The following SPAG16 variants were observed in gnomAD, a reference collection of about 807,000 sequenced individuals.
SPAG16 encodes the protein sperm-associated antigen 16 protein.
SPAG16 carries 86 observed loss-of-function variants against 80.4 expected under a neutral mutation model. That is an observed-to-expected ratio of 1.07 (90% CI 0.90 to 1.28). SPAG16 has a LOEUF of 1.28. Among genes scored for constraint, SPAG16 ranks in the 50% most tolerant of loss-of-function variants. The pLI, the probability that SPAG16 is intolerant of heterozygous loss-of-function variation, is 0.00. For synonymous variants in SPAG16, 294 were observed against 265.9 expected (o/e 1.11, Z -1.03); for missense variants, 870 against 765.3 (o/e 1.14, Z -1.61).
At chr2:213,493,867 C>A (rs976790068) in intron 10 of SPAG16, among the ~76,000 whole-genome samples, 9 of 152,316 alleles carry the variant, frequency 5.9e-5, no homozygotes, top group African/African-American at 1.9e-4. Flanking sequence ...CTCATTGTCT[C>A]TAAGGAGGCT....
intron 10 of SPAG16, among the ~76,000 whole-genome samples, chr2:213,819,673 T>C (rs2072807342): frequency 6.6e-6 from 1 of 152,014 alleles, no homozygotes; most frequent in South Asian, 2.1e-4. Flanking sequence ...GCCTCCCAAG[T>C]AGCTGGGACA....
At chr2:214,158,593 G>A (rs547428973) in intron 15 of SPAG16, among the ~76,000 whole-genome samples, 6 of 151,942 alleles carry the variant, frequency 3.9e-5, no homozygotes, top group South Asian at 2.1e-4. Flanking sequence ...AATCAGAGCC[G>A]AAAAATAACT....
chr2:214,171,054 C>T (rs543380702), intron 15 of SPAG16, among the ~76,000 whole-genome samples: 29 of 151,988 alleles, frequency 1.9e-4, no homozygotes, highest in African/African-American at 6.7e-4. Context: ...CAGAAAATTG[C>T]CATTGTGCCT....
chr2:214,086,204 A>G (rs1238693104), intron 13 of SPAG16, among the ~76,000 whole-genome samples: 2 of 152,140 alleles, frequency 1.3e-5, no homozygotes. Flanking sequence ...TTTCATTTCA[A>G]AATATTGCCT....
At chr2:213,749,474 C>T (rs10804219) in intron 10 of SPAG16, among the ~76,000 whole-genome samples, 68,126 of 151,892 alleles carry the variant, frequency 0.45, 16,719 homozygotes, top group Non-Finnish European at 0.55. Context: ...GTAAGGGTGA[C>T]GTGACAAGGG....
chr2:213,680,029 A>G (rs1222272672), intron 10 of SPAG16, among the ~76,000 whole-genome samples: 2 of 152,190 alleles, frequency 1.3e-5, no homozygotes, highest in Non-Finnish European at 2.9e-5. Context: ...CTCCTAGCAC[A>G]GGGAAAGAGG....
At chr2:214,047,349 A>C (rs1470594603) in intron 13 of SPAG16, among the ~76,000 whole-genome samples, 2 of 152,198 alleles carry the variant, frequency 1.3e-5, no homozygotes, top group East Asian at 3.8e-4. Context: ...GCAGGTACAT[A>C]GACCAATGGA....
intron 1 of SPAG16, among the ~76,000 whole-genome samples, chr2:213,290,340 C>G (rs1001963061): frequency 1.3e-5 from 2 of 152,124 alleles, no homozygotes; most frequent in African/African-American, 4.8e-5. Context: ...CAGAACCTGG[C>G]CTGGACTTGG....
At chr2:213,633,019 T>C (rs749430541) in intron 10 of SPAG16, among the ~76,000 whole-genome samples, 6 of 152,154 alleles carry the variant, frequency 3.9e-5, no homozygotes, top group Middle Eastern at 3.2e-3. Flanking sequence ...ACCTTTGTTT[T>C]TTAGAATATT....
chr2:213,691,892 T>TCA (rs1473744916), intron 10 of SPAG16, among the ~76,000 whole-genome samples: 1 of 152,206 alleles, frequency 6.6e-6, no homozygotes, highest in Admixed American at 6.5e-5. Flanking sequence ...AATAAATATT[T>TCA]GTAAAAGTAA....
intron 10 of SPAG16, among the ~76,000 whole-genome samples, chr2:213,668,908 T>A (rs985490994): frequency 6.6e-6 from 1 of 152,014 alleles, no homozygotes; most frequent in Non-Finnish European, 1.5e-5. Flanking sequence ...TCGGCCTCCC[T>A]AAGTGCTGGG....
chr2:214,061,564 G>T (rs868540212), intron 13 of SPAG16, among the ~76,000 whole-genome samples: 8 of 152,106 alleles, frequency 5.3e-5, no homozygotes, highest in Non-Finnish European at 1.0e-4. Flanking sequence ...TTACATGGGG[G>T]TCCTCAGTTT....
intron 9 of SPAG16, among the ~76,000 whole-genome samples, chr2:213,377,479 A>T (rs1190177657): frequency 6.6e-6 from 1 of 152,214 alleles, no homozygotes; most frequent in East Asian, 1.9e-4. Flanking sequence ...TCAAATCAGT[A>T]ATTAAATATG....
intron 10 of SPAG16, among the ~76,000 whole-genome samples, chr2:213,736,294 A>T (rs2067277669): frequency 6.6e-6 from 1 of 151,410 alleles, no homozygotes; most frequent in Non-Finnish European, 1.5e-5. Context: ...GTAGGTTCAG[A>T]TTTTTTTTTC....
chr2:214,126,198 G>A (rs550852206), intron 14 of SPAG16, among the ~76,000 whole-genome samples: 1 of 151,160 alleles, frequency 6.6e-6, no homozygotes, highest in East Asian at 1.9e-4. Flanking sequence ...GAAGGGAGAA[G>A]GGAGAAGGGA....
At chr2:214,351,095 A>T (rs1698372599) in intron 15 of SPAG16, among the ~76,000 whole-genome samples, 1 of 152,182 alleles carries the variant, frequency 6.6e-6, no homozygotes, top group African/African-American at 2.4e-5. Flanking sequence ...AGGATGTATG[A>T]TCAATACACT....
In SPAG16 at chr2:213,569,784, T is replaced by A. The variant is rs924438382; in HGVS notation, c.1070+79694T>A. Among the ~76,000 whole-genome samples the A allele has an allele frequency of 1.8e-4, 22 of 125,174 alleles. 2 individuals are homozygous for A. Among genetic ancestry groups the A allele is most frequent in the Non-Finnish European group, 3.1e-4 (20 of 64,596 alleles). 82.1% of individuals were successfully genotyped at this position (125,174 alleles called of 152,430 possible). A position where few individuals can be genotyped will look rare whatever the true frequency, so the allele number is the denominator to read the frequency against. The stretch of plus-strand genomic sequence containing the variant: ...TAGGGAGGATTCCCTCTTTTTCTAT[T>A]GATTGGAATAGTTTCCGAAGGAATG... On this transcript the variant is annotated intron_variant, in intron 10 of 15. Coordinates refer to ENST00000331683, the MANE Select transcript of SPAG16 (RefSeq NM_024532.5).
At chr2:213,902,589 G>A (rs1329796402) in intron 11 of SPAG16, among the ~76,000 whole-genome samples, 2 of 152,098 alleles carry the variant, frequency 1.3e-5, no homozygotes, top group African/African-American at 4.8e-5. Context: ...AGAACATGTG[G>A]GAATTATGGG....
intron 15 of SPAG16, among the ~76,000 whole-genome samples, chr2:214,270,596 A>G (rs903777951): frequency 2.6e-5 from 4 of 152,096 alleles, no homozygotes; most frequent in East Asian, 1.9e-4. Context: ...TATGGCTTCT[A>G]TATTCTCATG....
Sources: gnomAD v4.1 joint callset for allele counts (sites outside exome capture counted in the v4.1 genomes callset) on GRCh38, gnomAD v4.1.1 for gene constraint, MANE v1.5 for transcripts, NCBI Gene and HGNC (gene_info 2026-07-23, HGNC 2026-07-21) for gene names.